The following TENM2 variants were observed in gnomAD, a reference collection of about 807,000 sequenced individuals.
TENM2 encodes teneurin-2.
Under a neutral mutation model 245.2 loss-of-function variants are expected in TENM2, and 52 were observed. The observed-to-expected ratio is 0.21, with a 90% confidence interval of 0.17 to 0.27. The LOEUF is 0.27. Among genes scored for constraint, TENM2 ranks in the 10% least tolerant of loss-of-function variants. The pLI is 1.00. For synonymous variants in TENM2, 1,363 were observed against 1,438.9 expected (o/e 0.95, Z 1.19); for missense variants, 3,046 against 3,666.8 (o/e 0.83, Z 4.37).
chr5:167,196,653 C>T, the TENM2 span, among the ~76,000 whole-genome samples: 7 of 150,760 alleles, frequency 4.6e-5, no homozygotes, highest in African/African-American at 1.2e-4. Context: ...CGTGGGTTTG[C>T]GTTTATGGAT....
At chr5:167,463,002 T>A (rs1766416671) in intron 2 of TENM2, among the ~76,000 whole-genome samples, 1 of 152,140 alleles carries the variant, frequency 6.6e-6, no homozygotes, top group African/African-American at 2.4e-5. Flanking sequence ...CAGTTACTAG[T>A]TGTAACATTC....
chr5:167,587,810 T>G (rs551728900), intron 2 of TENM2, among the ~76,000 whole-genome samples: 1 of 152,242 alleles, frequency 6.6e-6, no homozygotes, highest in Admixed American at 6.5e-5. Context: ...TTTCCCACAG[T>G]GATGCAGTGA....
chr5:168,003,153 A>G lies in TENM2; in HGVS notation c.1186+9971A>G, dbSNP rs138068746. On this transcript the variant is annotated intron_variant, in intron 5 of 28. Coordinates refer to ENST00000518659, the Ensembl canonical transcript of TENM2. Reference sequence around the variant, plus strand: ...ACCTGATTGGTATAAATCAATGATTAGCCATCCTTTTTGTTTCCTGGATAT... The same window carrying G: ...ACCTGATTGGTATAAATCAATGATTGGCCATCCTTTTTGTTTCCTGGATAT... 2.3e-4 allele frequency among the ~76,000 whole-genome samples: 35 copies of G among 152,336 alleles called. 1 individual carries two copies. In the East Asian group the frequency reaches 6.2e-3, roughly 27 times the overall value.
the TENM2 span, chr5:167,119,392 G>T: frequency 4.6e-5 from 7 of 152,278 alleles, no homozygotes; most frequent in African/African-American, 1.7e-4. Context: ...CTAGTAATCC[G>T]CATTTAGTCC....
chr5:167,908,186 A>G (rs777821064), intron 3 of TENM2, among the ~76,000 whole-genome samples: 5 of 152,116 alleles, frequency 3.3e-5, no homozygotes, highest in Non-Finnish European at 5.9e-5. Context: ...AGAACCACAC[A>G]TTCTGTTAGT....
chr5:167,461,307 AAG>A (rs1766275609), intron 2 of TENM2, among the ~76,000 whole-genome samples: 2 of 152,160 alleles, frequency 1.3e-5, no homozygotes, highest in South Asian at 2.1e-4. Flanking sequence ...AAGAGAATAA[AAG>A]AGAGAGAATA....
At chr5:167,584,811 C>T (rs1775367715) in intron 2 of TENM2, among the ~76,000 whole-genome samples, 3 of 151,926 alleles carry the variant, frequency 2.0e-5, no homozygotes, top group African/African-American at 7.3e-5. Flanking sequence ...TCTCCTGTCT[C>T]AGCCTCCCAA....
chr5:167,795,581 A>AG (rs1765259947), intron 2 of TENM2, among the ~76,000 whole-genome samples: 1 of 152,176 alleles, frequency 6.6e-6, no homozygotes, highest in Non-Finnish European at 1.5e-5. Context: ...AGGATTGCAA[A>AG]GGGGAGAAAA....
At chr5:168,029,031 CAGAAACTTA>C (rs1305504762) in intron 5 of TENM2, among the ~76,000 whole-genome samples, 5 of 152,156 alleles carry the variant, frequency 3.3e-5, no homozygotes, top group African/African-American at 1.2e-4. Context: ...TTTTAAAGAA[CAGAAACTTA>C]TTTCTTGGGT....
At chr5:167,951,113 C>A (rs1427015875) in intron 3 of TENM2, among the ~76,000 whole-genome samples, 1 of 152,180 alleles carries the variant, frequency 6.6e-6, no homozygotes, top group Non-Finnish European at 1.5e-5. Flanking sequence ...GACATGTTGT[C>A]TTTTCTTCAG....
chr5:167,109,114 T>C, the TENM2 span, among the ~76,000 whole-genome samples: 1 of 152,322 alleles, frequency 6.6e-6, no homozygotes, highest in South Asian at 2.1e-4. Context: ...TTTTTGACTT[T>C]TTAACTAATT....
chr5:167,947,692 AT>A (rs1305985873), intron 3 of TENM2, among the ~76,000 whole-genome samples: 1 of 152,134 alleles, frequency 6.6e-6, no homozygotes, highest in Non-Finnish European at 1.5e-5. Context: ...GAAACTTTAA[AT>A]TGCTATTGAG....
intron 5 of TENM2, among the ~76,000 whole-genome samples, chr5:168,006,374 C>T (rs1230641794): frequency 1.3e-5 from 2 of 152,150 alleles, no homozygotes; most frequent in African/African-American, 4.8e-5. Flanking sequence ...GCGGTCTTGA[C>T]TGAAGGTTTT....
exon 22 of TENM2, chr5:168,216,870 A>G: frequency 6.2e-7 from 1 of 1,613,806 alleles, no homozygotes; most frequent in Non-Finnish European, 8.5e-7. Flanking sequence ...GGCTCCAATG[A>G]CCTCACTGCC....
At chr5:167,788,918 T>C (rs949328976) in intron 2 of TENM2, among the ~76,000 whole-genome samples, 2 of 152,144 alleles carry the variant, frequency 1.3e-5, no homozygotes, top group African/African-American at 4.8e-5. Context: ...TGAGTCCTAA[T>C]AGCAACTCTT....
chr5:167,470,454 CTTTTTTTTTTTT>C (rs749016436), intron 2 of TENM2, among the ~76,000 whole-genome samples: 1 of 47,394 alleles, frequency 2.1e-5, no homozygotes, highest in Non-Finnish European at 3.6e-5. Context: ...GCAATGCTTG[CTTTTTTTTTTTT>C]TTTTTTTTTT....
intron 2 of TENM2, among the ~76,000 whole-genome samples, chr5:167,629,414 A>G (rs1778721151): frequency 6.6e-6 from 1 of 152,242 alleles, no homozygotes; most frequent in South Asian, 2.1e-4. Context: ...AATGCTATTC[A>G]TTAATACTTA....
intron 2 of TENM2, among the ~76,000 whole-genome samples, chr5:167,416,150 AG>A (rs546619479): frequency 9.2e-5 from 14 of 152,180 alleles, no homozygotes; most frequent in Non-Finnish European, 2.1e-4. Context: ...AGAAATCAAA[AG>A]TCTCACTTCT....
chr5:167,272,659 G>A, the TENM2 span, among the ~76,000 whole-genome samples: 2 of 152,036 alleles, frequency 1.3e-5, no homozygotes, highest in South Asian at 4.2e-4. Context: ...TTTAAGTGGG[G>A]AAGAAAGGTG....
Sources: gnomAD v4.1 joint callset for allele counts (sites outside exome capture counted in the v4.1 genomes callset) on GRCh38, gnomAD v4.1.1 for gene constraint, MANE v1.5 for transcripts, NCBI Gene and HGNC (gene_info 2026-07-23, HGNC 2026-07-21) for gene names.